Variants in PRKCB observed in about 807,000 individuals in gnomAD.
The protein encoded by PRKCB is protein kinase C beta, also known as protein kinase C beta type.
PRKCB carries 13 observed loss-of-function variants against 81.5 expected under a neutral mutation model. The observed-to-expected ratio is 0.16, with a 90% CI of 0.10 to 0.25. PRKCB has a LOEUF of 0.25. Ranked by LOEUF, PRKCB falls within the 10% of genes least tolerant of loss-of-function variation. The pLI, the probability that PRKCB is intolerant of heterozygous loss-of-function variation, is 1.00. For missense variants in PRKCB, 509 were observed against 875.7 expected (o/e 0.58, Z 5.29); for synonymous variants, 335 against 321.4 (o/e 1.04, Z -0.45).
At position 23,951,446 on chromosome 16, in the gene PRKCB, A is replaced by G. The variant is rs991547804; in HGVS notation, c.206-37062A>G. Among the ~76,000 whole-genome samples the G allele has an allele frequency of 5.9e-4, 89 of 152,068 alleles. 1 individual carries two copies. The highest frequency in any genetic ancestry group is 2.0e-3 in the African/African-American group (82 of 41,474). On this transcript the variant is annotated intron_variant, in intron 2 of 16. Coordinates refer to ENST00000643927, the MANE Select transcript of PRKCB (RefSeq NM_002738.7). ...TTTTCTAGTGGCTTTTTTATTTGAG[A>G]CAGGGTCTTCCTCTGTCACCCAGGC... is the stretch of plus-strand genomic sequence containing the variant.
chr16:23,844,796 C>T (rs1003617510), intron 2 of PRKCB, among the ~76,000 whole-genome samples: 2 of 151,846 alleles, frequency 1.3e-5, no homozygotes, highest in Admixed American at 6.6e-5. Flanking sequence ...CGTGAGCCAC[C>T]GCGCCCAGTC....
chr16:24,172,293 G>C lies in PRKCB; in HGVS notation c.1263G>C (p.Glu421Asp), dbSNP rs754699676. Residue 421 changes from glutamate to aspartate, a missense_variant, in exon 11 of 17, where the codon GAG (glutamate) becomes GAC (aspartate). Physicochemically the swap from Glu to Asp is conservative, Grantham distance 45. Transcript: ENST00000643927. ...AGGACCGCCTGTACTTTGTGATGGA[G>C]TACGTGAATGGGGGCGACCTCATGT... ...QTMDRLYFVM[E>D]YVNGGDLMYH... 2 of 1,614,038 alleles carry C rather than the reference G, an allele frequency of 1.2e-6. No homozygotes were observed. Among genetic ancestry groups the C allele is most frequent in the East Asian group, 2.2e-5 (1 of 44,860 alleles).
At chr16:24,105,499 A>G (rs1358364037) in intron 7 of PRKCB, among the ~76,000 whole-genome samples, 5 of 152,022 alleles carry the variant, frequency 3.3e-5, no homozygotes, top group Non-Finnish European at 4.4e-5. Flanking sequence ...CCCCGCATGC[A>G]TTAGGTATTT....
At chr16:23,854,038 T>G (rs1473415316) in intron 2 of PRKCB, among the ~76,000 whole-genome samples, 1 of 148,074 alleles carries the variant, frequency 6.8e-6, no homozygotes, top group African/African-American at 2.5e-5. Context: ...AACCATCAGA[T>G]CTCGTGAGAC....
intron 2 of PRKCB, among the ~76,000 whole-genome samples, chr16:23,863,912 TTCTC>T (rs147885919): frequency 6.6e-5 from 10 of 151,168 alleles, no homozygotes; most frequent in South Asian, 2.1e-4. Context: ...AGTACGTTAT[TTCTC>T]TCTCTCTCTC....
chr16:24,003,992 C>T (rs1404026763), intron 3 of PRKCB, among the ~76,000 whole-genome samples: 1 of 152,096 alleles, frequency 6.6e-6, no homozygotes, highest in Admixed American at 6.5e-5. Flanking sequence ...ATAGTGAATG[C>T]TATTTTATTG....
chr16:24,014,363 C>T (rs1323885163), intron 3 of PRKCB, among the ~76,000 whole-genome samples: 1 of 152,094 alleles, frequency 6.6e-6, no homozygotes, highest in East Asian at 1.9e-4. Flanking sequence ...TGTGACTATT[C>T]CCTGAAACTA....
intron 2 of PRKCB, among the ~76,000 whole-genome samples, chr16:23,964,755 G>A (rs550177371): frequency 6.7e-6 from 1 of 150,202 alleles, no homozygotes; most frequent in South Asian, 2.1e-4. Flanking sequence ...TGCAGCCTCT[G>A]CCTCCTGGGG....
At chr16:24,044,541 A>G (rs965198703) in intron 5 of PRKCB, among the ~76,000 whole-genome samples, 2 of 152,216 alleles carry the variant, frequency 1.3e-5, no homozygotes, top group East Asian at 3.8e-4. Context: ...GTTTGTGATA[A>G]AAATTCTAAA....
At chr16:23,847,471 T>TCCAC (rs368044943) in intron 2 of PRKCB, among the ~76,000 whole-genome samples, 11,615 of 141,854 alleles carry the variant, frequency 0.082, 787 homozygotes, top group African/African-American at 0.15. Flanking sequence ...CATCCATCCA[T>TCCAC]CCATCCACCC....
At chr16:23,987,403 G>T (rs181664882) in intron 2 of PRKCB, among the ~76,000 whole-genome samples, 4 of 139,038 alleles carry the variant, frequency 2.9e-5, no homozygotes, top group African/African-American at 7.7e-5. Context: ...GGTTGGGGTG[G>T]GGGGGGGTGT....
At chr16:23,881,723 A>G (rs1171805384) in intron 2 of PRKCB, among the ~76,000 whole-genome samples, 1 of 152,304 alleles carries the variant, frequency 6.6e-6, no homozygotes, top group East Asian at 1.9e-4. Context: ...CTATTTTTTT[A>G]AGTGTACAGT....
chr16:24,141,287 C>T (rs893238141), intron 9 of PRKCB, among the ~76,000 whole-genome samples: 1 of 151,434 alleles, frequency 6.6e-6, no homozygotes, highest in African/African-American at 2.4e-5. Flanking sequence ...GTCCACCTCC[C>T]AGGTTCAAGT....
chr16:24,115,590 TATTTATCCCAAGGATAGC>T (rs1474876548), intron 8 of PRKCB, among the ~76,000 whole-genome samples: 1 of 151,952 alleles, frequency 6.6e-6, no homozygotes, highest in African/African-American at 2.4e-5. Context: ...ATCCGAAGAG[TATTTATCCCAAGGATAGC>T]ATTTATCCCA....
intron 2 of PRKCB, among the ~76,000 whole-genome samples, chr16:23,962,631 G>A (rs923687191): frequency 9.9e-5 from 15 of 152,150 alleles, no homozygotes; most frequent in African/African-American, 3.6e-4. Context: ...TCCATTGCCT[G>A]CCTTCCCCGT....
At chr16:23,914,257 C>G (rs1214241606) in intron 2 of PRKCB, among the ~76,000 whole-genome samples, 1 of 152,166 alleles carries the variant, frequency 6.6e-6, no homozygotes, top group Non-Finnish European at 1.5e-5. Context: ...TCAAGTGATC[C>G]TTCTGCCTCA....
chr16:24,045,613 A>T (rs976483883), intron 5 of PRKCB, among the ~76,000 whole-genome samples: 9 of 151,432 alleles, frequency 5.9e-5, no homozygotes, highest in African/African-American at 1.9e-4. Flanking sequence ...GTTGAAGCTA[A>T]TTTTTTTTTC....
At chr16:24,085,535 T>C (rs1253557122) in intron 5 of PRKCB, among the ~76,000 whole-genome samples, 1 of 152,180 alleles carries the variant, frequency 6.6e-6, no homozygotes, top group Non-Finnish European at 1.5e-5. Flanking sequence ...ATTGTTAAAA[T>C]TTGGACTCTC....
intron 2 of PRKCB, among the ~76,000 whole-genome samples, chr16:23,958,692 C>T (rs1436570924): frequency 1.4e-5 from 1 of 72,700 alleles, no homozygotes; most frequent in Non-Finnish European, 4.3e-5. Context: ...ATTTCTTCTT[C>T]TTCTCCTCCT....
Sources: allele counts gnomAD v4.1 joint callset (sites outside exome capture counted in the v4.1 genomes callset), GRCh38; gene constraint gnomAD v4.1.1; transcripts MANE v1.5; gene names NCBI Gene and HGNC (gene_info 2026-07-23, HGNC 2026-07-21).